Variants in ZZZ3 observed in about 807,000 individuals in gnomAD.
ZZZ3 encodes ZZ-type zinc finger-containing protein 3.
ZZZ3 carries 22 observed loss-of-function variants against 95.2 expected under a neutral mutation model. The ratio of observed to expected loss-of-function variants is 0.23; its 90% CI spans 0.17 to 0.33. The LOEUF (loss-of-function observed/expected upper bound fraction) is 0.33. Among genes scored for constraint, ZZZ3 ranks in the 10% least tolerant of loss-of-function variants. ZZZ3 has a pLI of 1.00. For missense variants in ZZZ3, 885 were observed against 1,066.5 expected, an observed-to-expected ratio of 0.83 and a Z score of 2.37; for synonymous variants, 335 against 358.9, an observed-to-expected ratio of 0.93 and a Z score of 0.75.
At chr1:77,636,167 T>C (rs183002452) in intron 4 of ZZZ3, among the ~76,000 whole-genome samples, 24 of 152,254 alleles carry the variant, frequency 1.6e-4, no homozygotes, top group African/African-American at 5.8e-4. Context: ...ACAATAGAAA[T>C]ACTTTATAAA....
At chr1:77,606,259 T>G (rs1665221406) in intron 5 of ZZZ3, among the ~76,000 whole-genome samples, 1 of 152,164 alleles carries the variant, frequency 6.6e-6, no homozygotes, top group African/African-American at 2.4e-5. Flanking sequence ...CCTCTGCCTA[T>G]GGCATGCAGG....
chr1:77,580,580 A>G (rs145442669), intron 9 of ZZZ3: 1 of 152,894 alleles, frequency 6.5e-6, no homozygotes, highest in African/African-American at 2.4e-5. Flanking sequence ...AATATTTAAA[A>G]CTCATGGCTA....
intron 6 of ZZZ3, among the ~76,000 whole-genome samples, chr1:77,583,046 A>T (rs974307674): frequency 6.6e-6 from 1 of 152,080 alleles, no homozygotes; most frequent in African/African-American, 2.4e-5. Context: ...CGGAAGTTAC[A>T]GTGAACTGAG....
intron 1 of ZZZ3, among the ~76,000 whole-genome samples, chr1:77,676,438 G>A (rs947921987): frequency 6.6e-6 from 1 of 152,220 alleles, no homozygotes; most frequent in Non-Finnish European, 1.5e-5. Flanking sequence ...AAAGTGTTGG[G>A]ATTACAGGCA....
intron 5 of ZZZ3, among the ~76,000 whole-genome samples, chr1:77,630,325 T>A (rs1024183190): frequency 6.6e-6 from 1 of 151,450 alleles, no homozygotes; most frequent in Non-Finnish European, 1.5e-5. Context: ...TACAAAAAAA[T>A]ATTAGCCAGG....
At position 77,615,975 on chromosome 1, in the gene ZZZ3, C is replaced by T. The variant is rs1666271174; in HGVS notation, c.1505+15875G>A. On this transcript the variant is annotated intron_variant, in intron 5 of 14. Coordinates refer to ENST00000370801, the MANE Select transcript of ZZZ3 (RefSeq NM_015534.6). ...ATTAACTAGTTTTTCTTTTTAATCA[C>T]AATTTTAAAAGGAAATAACCACAAT... 2.0e-5 allele frequency among the ~76,000 whole-genome samples: 3 copies of T among 152,050 alleles called. No homozygotes were observed. The South Asian group carries it at 6.2e-4, about 32-fold the overall frequency.
chr1:77,633,118 T>C lies in ZZZ3; in HGVS notation c.237A>G (p.Ser79=), dbSNP rs774538212. 6.2e-7 allele frequency: 1 copy of C among 1,614,026 alleles called. No homozygotes were observed. Among genetic ancestry groups the C allele is most frequent in the Admixed American group, 1.7e-5 (1 of 60,016 alleles). ...GTCCTCTTTTCCTAGGGCTTACCCA[T>C]GATTCTCGGGTACTCTGCTGTTTTA... The part of the protein sequence containing the change: ...TDLKQQSTRE[S]WVSPRKRGLS... The change falls in exon 5 of 15, where the codon TCA becomes TCG. Residue 79 remains serine (S), a synonymous_variant. Coordinates refer to ENST00000370801, the MANE Select transcript of ZZZ3 (RefSeq NM_015534.6).
chr1:77,653,002 C>A (rs1435919906), intron 1 of ZZZ3, among the ~76,000 whole-genome samples: 1 of 152,078 alleles, frequency 6.6e-6, no homozygotes, highest in Non-Finnish European at 1.5e-5. Context: ...TCTTGGGCAA[C>A]ATGGTAAGAC....
intron 5 of ZZZ3, among the ~76,000 whole-genome samples, chr1:77,628,271 A>G (rs1435806601): frequency 1.3e-5 from 2 of 152,212 alleles, no homozygotes; most frequent in Non-Finnish European, 1.5e-5. Context: ...AAGATCAAAG[A>G]GCCTTCAGAT....
chr1:77,676,880 G>C (rs1453677096), intron 1 of ZZZ3: 1 of 152,100 alleles, frequency 6.6e-6, no homozygotes, highest in African/African-American at 2.4e-5. Flanking sequence ...TACCAATTTG[G>C]AGGAAAACAT....
Position 77,633,157 on chromosome 1 carries a change from C to T in ZZZ3, c.198G>A (p.Gly66=). ...PVPIQKGNNN[G]RTTDLKQQST... ...TCTGCTGTTTTAAATCAGTGGTTCT[C>T]CCATTATTATTTCCTTTCTGAATTG... The change falls in exon 5 of 15, where the codon GGG becomes GGA. Residue 66 remains glycine (G), a synonymous_variant. Coordinates refer to ENST00000370801, the MANE Select transcript of ZZZ3 (RefSeq NM_015534.6). The T allele has an allele frequency of 6.2e-7, 1 of 1,613,972 alleles. No individual in the cohort carries two copies. Among genetic ancestry groups the T allele is most frequent in the South Asian group, 1.1e-5 (1 of 91,052 alleles).
rs1043010733 is a variant in ZZZ3 at position 77,565,354 on chromosome 1, T to G, written c.*286A>C. On this transcript the variant is annotated 3_prime_UTR_variant, in exon 15 of 15. Transcript: ENST00000370801. ...AAACCTTTGGAATTTACTCTCTCTT[T>G]AATGTGTGCTCTCGTTCCATCTCAC... 3.5e-6 allele frequency: 1 copy of G among 289,174 alleles called. No homozygotes were observed. The highest frequency in any genetic ancestry group is 6.3e-6 in the Non-Finnish European group (1 of 157,540). 17.9% of individuals were successfully genotyped at this position (289,174 alleles called of 1,614,324 possible).
At chr1:77,603,437 C>T (rs1430606104) in intron 5 of ZZZ3, among the ~76,000 whole-genome samples, 1 of 152,092 alleles carries the variant, frequency 6.6e-6, no homozygotes, top group African/African-American at 2.4e-5. Context: ...TTTTCTTTGC[C>T]TCAATAATTT....
chr1:77,564,809 T>C lies in ZZZ3; in HGVS notation c.*831A>G, dbSNP rs1049928049. The stretch of plus-strand genomic sequence containing the variant: ...ATATTAGGCAGTTTTCTTTGATGAG[T>C]TGTACTGACAACTCCAAATACAGAG... On this transcript the variant is annotated 3_prime_UTR_variant, in exon 15 of 15. Coordinates refer to ENST00000370801, the MANE Select transcript of ZZZ3 (RefSeq NM_015534.6). 1.3e-5 allele frequency: 2 copies of C among 152,566 alleles called. No individual in the cohort carries two copies. The highest frequency in any genetic ancestry group is 1.3e-4 in the Admixed American group (2 of 15,280). 9.5% of individuals were successfully genotyped at this position (152,566 alleles called of 1,614,324 possible).
intron 1 of ZZZ3, among the ~76,000 whole-genome samples, chr1:77,670,281 GC>G (rs1354009280): frequency 6.7e-6 from 1 of 150,178 alleles, no homozygotes; most frequent in Non-Finnish European, 1.5e-5. Flanking sequence ...TTGGGGGGGG[GC>G]AGAGTCTCGC....
intron 5 of ZZZ3, among the ~76,000 whole-genome samples, chr1:77,625,827 TAAA>T (rs1177204102): frequency 7.3e-6 from 1 of 137,540 alleles, no homozygotes. Flanking sequence ...CTGTCTCTAC[TAAA>T]AAAAAAAAAA....
chr1:77,669,845 T>C (rs1671589794), intron 1 of ZZZ3, among the ~76,000 whole-genome samples: 1 of 151,682 alleles, frequency 6.6e-6, no homozygotes, highest in Admixed American at 6.6e-5. Flanking sequence ...ATGCACCAGC[T>C]GATTTAAAAA....
intron 6 of ZZZ3, among the ~76,000 whole-genome samples, chr1:77,583,473 A>C (rs1662743474): frequency 6.6e-6 from 1 of 152,220 alleles, no homozygotes; most frequent in Non-Finnish European, 1.5e-5. Context: ...TAAAAACCTT[A>C]GAAGTTTTAA....
In ZZZ3 at chr1:77,664,062, T is replaced by C. The variant is rs1671050262; in HGVS notation, c.-403+18523A>G. Reference sequence around the variant, plus strand: ...ATGGCACCCGGCTAATAAACCCTACTTATTCTATCACCAAAATGTCTTGGA... The same window carrying C: ...ATGGCACCCGGCTAATAAACCCTACCTATTCTATCACCAAAATGTCTTGGA... On this transcript the variant is annotated intron_variant, in intron 1 of 14. Transcript: ENST00000370801. Among the ~76,000 whole-genome samples, 4 of 151,930 alleles carry C rather than the reference T, an allele frequency of 2.6e-5. No homozygotes were observed. In the South Asian group the frequency reaches 6.2e-4, roughly 24 times the overall value.
Sources: allele counts gnomAD v4.1 joint callset (sites outside exome capture counted in the v4.1 genomes callset), GRCh38; gene constraint gnomAD v4.1.1; transcripts MANE v1.5; gene names NCBI Gene and HGNC (gene_info 2026-07-23, HGNC 2026-07-21).